Variants in CASD1 observed in about 807,000 individuals in gnomAD.
CASD1 encodes N-acetylneuraminate (7)9-O-acetyltransferase.
Under a neutral mutation model 100.0 loss-of-function variants are expected in CASD1, and 41 were observed. The observed-to-expected ratio is 0.41, with a 90% CI of 0.32 to 0.53. The LOEUF (loss-of-function observed/expected upper bound fraction) is 0.53. CASD1 is among the 20% of genes least tolerant of loss of function. The pLI is 0.25. For missense variants in CASD1, 774 were observed against 948.7 expected, an observed-to-expected ratio of 0.82 and a Z score of 2.42; for synonymous variants, 321 against 315.6, an observed-to-expected ratio of 1.02 and a Z score of -0.18.
At chr7:94,618,020 A>G in the CASD1 span, 2 of 152,200 alleles carry the variant, frequency 1.3e-5, no homozygotes, top group Admixed American at 1.3e-4. Flanking sequence ...ATCTGCCTCA[A>G]CCTACAGATT....
the CASD1 span, chr7:94,628,190 G>A: frequency 6.3e-7 from 1 of 1,599,858 alleles, no homozygotes; most frequent in East Asian, 2.2e-5. Context: ...GCTCTTTCTA[G>A]GTGTAAATTA....
At chr7:94,564,588 G>T in the CASD1 span, among the ~76,000 whole-genome samples, 1 of 152,152 alleles carries the variant, frequency 6.6e-6, no homozygotes, top group East Asian at 1.9e-4. Context: ...GGAAATGACT[G>T]CAGGGTCCTG....
chr7:94,556,710 AT>A lies in CASD1; in HGVS notation c.*954del, dbSNP rs1334665219. 6.6e-6 allele frequency: 1 copy of A among 152,030 alleles called. No individual in the cohort carries two copies. The highest frequency in any genetic ancestry group is 1.5e-5 in the Non-Finnish European group (1 of 67,924). 9.4% of individuals were successfully genotyped at this position (152,030 alleles called of 1,614,324 possible). A position where few individuals can be genotyped will look rare whatever the true frequency, so the allele number is the denominator to read the frequency against. ...ATGCAAGTTGTTACGATTGAGCTGT[AT>A]TACCATAAGTAGAATTTTAAGTAAA... On this transcript the variant is annotated 3_prime_UTR_variant, in exon 18 of 18. Coordinates refer to ENST00000297273, the MANE Select transcript of CASD1 (RefSeq NM_022900.5).
At chr7:94,539,857 G>C (rs1795306563) in intron 10 of CASD1, among the ~76,000 whole-genome samples, 1 of 152,032 alleles carries the variant, frequency 6.6e-6, no homozygotes. Flanking sequence ...CAACTCTCTT[G>C]CCTCAGTATT....
chr7:94,551,018 T>C (rs1795921928), intron 14 of CASD1, among the ~76,000 whole-genome samples: 1 of 152,164 alleles, frequency 6.6e-6, no homozygotes, highest in Non-Finnish European at 1.5e-5. Flanking sequence ...ATTTAAATTT[T>C]ATCATATGTC....
At chr7:94,607,562 T>G in the CASD1 span, among the ~76,000 whole-genome samples, 119,132 of 152,092 alleles carry the variant, frequency 0.78, 47,378 homozygotes, top group African/African-American at 0.92. Flanking sequence ...GACAGCATCA[T>G]CAGATGCAGG....
the CASD1 span, among the ~76,000 whole-genome samples, chr7:94,593,937 A>C: frequency 6.6e-6 from 1 of 152,036 alleles, no homozygotes; most frequent in African/African-American, 2.4e-5. Context: ...TCTCTGCAGG[A>C]GCTCTACCAT....
intron 16 of CASD1, chr7:94,554,280 A>G (rs537897989): frequency 4.5e-6 from 2 of 446,770 alleles, no homozygotes; most frequent in African/African-American, 2.0e-5. Context: ...TATGCAGCAT[A>G]CCGACCATGT....
intron 1 of CASD1, among the ~76,000 whole-genome samples, chr7:94,517,330 T>A (rs1314366573): frequency 6.6e-6 from 1 of 152,186 alleles, no homozygotes; most frequent in African/African-American, 2.4e-5. Context: ...GCAGGGAATG[T>A]ATCATTAGGA....
At chr7:94,623,311 ATTTTC>A in the CASD1 span, 1 of 1,488,838 alleles carries the variant, frequency 6.7e-7, no homozygotes, top group Non-Finnish European at 9.3e-7. Context: ...TGATCAACAT[ATTTTC>A]ATACCTACCT....
At chr7:94,591,452 T>G in the CASD1 span, among the ~76,000 whole-genome samples, 2 of 152,182 alleles carry the variant, frequency 1.3e-5, no homozygotes, top group African/African-American at 4.8e-5. Flanking sequence ...GTCAGCAGAT[T>G]GAATCAACAC....
chr7:94,528,099 A>G (rs1324470727), intron 4 of CASD1, 89 bp from the exon 5 acceptor site: 5 of 889,252 alleles, frequency 5.6e-6, no homozygotes, highest in Non-Finnish European at 9.1e-6. Flanking sequence ...ACTTTTAAGT[A>G]CTCTGTAAGA....
At chr7:94,532,699 A>G (rs942721286) in intron 5 of CASD1, among the ~76,000 whole-genome samples, 4 of 152,284 alleles carry the variant, frequency 2.6e-5, no homozygotes, top group African/African-American at 9.6e-5. Flanking sequence ...AGGGATCTCT[A>G]CTTATATTTT....
chr7:94,588,944 T>C, the CASD1 span: 4 of 574,456 alleles, frequency 7.0e-6, no homozygotes, highest in African/African-American at 1.9e-5. Context: ...TGCATGAAAT[T>C]TTCACTGCGG....
chr7:94,577,164 C>A, the CASD1 span, among the ~76,000 whole-genome samples: 2 of 152,130 alleles, frequency 1.3e-5, no homozygotes, highest in African/African-American at 4.8e-5. Flanking sequence ...AGTTTCTATT[C>A]ATTGATTTAT....
the CASD1 span, among the ~76,000 whole-genome samples, chr7:94,583,544 C>T: frequency 6.6e-6 from 1 of 152,130 alleles, no homozygotes; most frequent in East Asian, 1.9e-4. Flanking sequence ...TAGGTACACA[C>T]CATGTGGAAA....
intron 16 of CASD1, chr7:94,553,234 GT>G: frequency 8.1e-6 from 2 of 247,154 alleles, no homozygotes; most frequent in Non-Finnish European, 8.4e-6. Context: ...CCTTATGTAT[GT>G]TTTCTCATTT....
At chr7:94,633,990 G>A in the CASD1 span, among the ~76,000 whole-genome samples, 1 of 152,158 alleles carries the variant, frequency 6.6e-6, no homozygotes, top group East Asian at 1.9e-4. Context: ...TAACAACTGA[G>A]TATAAGACCC....
rs1366897304 is a variant in CASD1, at chr7:94,539,534, C to T, written c.1356+478C>T. ...AAATACAAAAACTAGCCAGGCATGG[C>T]GGTGCATGCCTGTAATCCCAGCTAC... is the stretch of plus-strand genomic sequence containing the variant. On this transcript the variant is annotated intron_variant, in intron 10 of 17. Transcript: ENST00000297273. Among the ~76,000 whole-genome samples, 15 of 151,840 alleles carry T rather than the reference C, an allele frequency of 9.9e-5. 1 individual carries two copies. The highest frequency in any genetic ancestry group is 6.2e-4 in the South Asian group (3 of 4,810).
Sources: allele counts gnomAD v4.1 joint callset (sites outside exome capture counted in the v4.1 genomes callset), GRCh38; gene constraint gnomAD v4.1.1; transcripts MANE v1.5; gene names NCBI Gene and HGNC (gene_info 2026-07-23, HGNC 2026-07-21).